The following ERCC6L2 variants were observed in gnomAD, a reference collection of about 807,000 sequenced individuals.
The protein encoded by ERCC6L2 is ERCC excision repair 6 like 2.
Under a neutral mutation model 132.0 loss-of-function variants are expected in ERCC6L2, and 77 were observed. The observed-to-expected ratio is 0.58, with a 90% CI of 0.49 to 0.71. The LOEUF is 0.71. Among genes scored for constraint, ERCC6L2 ranks in the 30% least tolerant of loss-of-function variants. The pLI is 0.00. For missense variants in ERCC6L2, 1,542 were observed against 1,837.6 expected (o/e 0.84, Z 2.94); for synonymous variants, 583 against 632.4 (o/e 0.92, Z 1.17).
At chr9:95,957,551 G>A (rs1455377319) in intron 13 of ERCC6L2, among the ~76,000 whole-genome samples, 1 of 151,936 alleles carries the variant, frequency 6.6e-6, no homozygotes, top group Non-Finnish European at 1.5e-5. Context: ...TCTCAAGTAA[G>A]AGTCTTTCCT....
At chr9:95,959,488 A>C (rs1455448608) in intron 13 of ERCC6L2, among the ~76,000 whole-genome samples, 2 of 151,900 alleles carry the variant, frequency 1.3e-5, no homozygotes, top group African/African-American at 2.4e-5. Flanking sequence ...TTCATGTCTA[A>C]AACACCAAAA....
At chr9:96,021,383 C>G (rs1344199507), downstream of ERCC6L2, 1 of 292,554 alleles carries the variant, frequency 3.4e-6, no homozygotes, top group African/African-American at 2.4e-5. The surrounding 1 kb of genome is among the most constrained non-coding windows in gnomAD (Gnocchi z 4.7). Context: ...AAGCCCAGTC[C>G]CTCCCGGGCA....
chr9:95,894,704 C>T (rs557288898), intron 2 of ERCC6L2, among the ~76,000 whole-genome samples: 3 of 149,354 alleles, frequency 2.0e-5, no homozygotes, highest in South Asian at 2.1e-4. Context: ...AAGTGATTCT[C>T]CTGCCTCAGC....
intron 4 of ERCC6L2, among the ~76,000 whole-genome samples, chr9:95,908,719 G>A (rs1829202453): frequency 6.6e-6 from 1 of 152,074 alleles, no homozygotes; most frequent in Non-Finnish European, 1.5e-5. Flanking sequence ...TTTAGGTGAA[G>A]ATTAAAGCAT....
chr9:95,905,135 T>C (rs1042363161), intron 3 of ERCC6L2: 2 of 152,126 alleles, frequency 1.3e-5, no homozygotes, highest in African/African-American at 4.8e-5. Flanking sequence ...GACTTAGCAG[T>C]TGGACACTGC....
chr9:95,980,075 A>G (rs1219020544), intron 17 of ERCC6L2, among the ~76,000 whole-genome samples: 3 of 152,220 alleles, frequency 2.0e-5, no homozygotes, highest in Non-Finnish European at 4.4e-5. Context: ...TTCTGCAACA[A>G]TTGATCTGAG....
intron 17 of ERCC6L2, among the ~76,000 whole-genome samples, chr9:95,992,715 A>G (rs576852229): frequency 6.6e-6 from 1 of 152,064 alleles, no homozygotes; most frequent in Non-Finnish European, 1.5e-5. Context: ...CCTTCTAATC[A>G]AATCAGCCTA....
rs150932214 is a variant in ERCC6L2, at chr9:96,029,165, G to A, written c.*1504-9711G>A. 7.5e-3 allele frequency among the ~76,000 whole-genome samples: 1,141 copies of A among 151,976 alleles called. 12 individuals carry two copies. Among genetic ancestry groups the A allele is most frequent in the African/African-American group, 0.026 (1,065 of 41,450 alleles). ...TAAAAATACAAAAAATTAGCCGGGCGTGGTGGCACGTGACTGTAATCCCAG... is the reference window on the plus strand; with the variant it reads ...TAAAAATACAAAAAATTAGCCGGGCATGGTGGCACGTGACTGTAATCCCAG... On this transcript the variant is annotated intron_variant and NMD_transcript_variant, in intron 19 of 20. Coordinates refer to the ERCC6L2 transcript ENST00000670016.
chr9:95,958,838 TC>T (rs1831751053), intron 13 of ERCC6L2, among the ~76,000 whole-genome samples: 1 of 152,030 alleles, frequency 6.6e-6, no homozygotes, highest in African/African-American at 2.4e-5. Flanking sequence ...AAGGACCTCT[TC>T]AAGGAGAACT....
intron 11 of ERCC6L2, among the ~76,000 whole-genome samples, chr9:95,930,179 A>G (rs993967402): frequency 2.0e-5 from 3 of 151,898 alleles, no homozygotes; most frequent in Non-Finnish European, 4.4e-5. Flanking sequence ...CTTATCTTCA[A>G]TGGGATTTTT....
chr9:95,972,224 A>C lies in ERCC6L2; in HGVS notation c.2473A>C (p.Thr825Pro), dbSNP rs1250670301. The C allele has an allele frequency of 7.7e-7, 1 of 1,304,160 alleles. No individual in the cohort carries two copies. Among genetic ancestry groups the C allele is most frequent in the Non-Finnish European group, 1.0e-6 (1 of 988,944 alleles). 80.8% of individuals were successfully genotyped at this position (1,304,160 alleles called of 1,614,324 possible). A position where few individuals can be genotyped will look rare whatever the true frequency, so the allele number is the denominator to read the frequency against. ...TGATGAAAGTTCTGATGAGCAGCCCACATGCCTTTCAACAGAAGCCAAAGA... is the reference window on the plus strand; with the variant it reads ...TGATGAAAGTTCTGATGAGCAGCCCCCATGCCTTTCAACAGAAGCCAAAGA... ...SDDESSDEQP[T>P]CLSTEAKDAG... Residue 825 changes from threonine to proline, a missense_variant, in exon 16 of 19, where the codon ACA becomes CCA. This residue lies in a region of ERCC6L2 where 945 missense variants were observed against 1,105.2 expected (regional missense o/e 0.86). Transcript: ENST00000653738.
rs752662912 is a variant in ERCC6L2, at chr9:95,897,968, A to G, written c.591A>G (p.Lys197=). The part of the protein sequence containing the change: ...MKKEPLSSTA[K]KMFLIVAPLS... ...AGGAACCCCTTTCTTCTACAGCAAA[A>G]AAGGTAAAATCTCTAGACAATGTAT... Residue 197 remains lysine (K), a synonymous_variant, in exon 3 of 19, where the codon AAA becomes AAG. Transcript: ENST00000653738. 1.2e-6 allele frequency: 2 copies of G among 1,606,494 alleles called. No individual in the cohort carries two copies. Among genetic ancestry groups the G allele is most frequent in the Admixed American group, 3.4e-5 (2 of 58,034 alleles).
intron 12 of ERCC6L2, among the ~76,000 whole-genome samples, chr9:95,945,193 A>T (rs1419596845): frequency 6.6e-6 from 1 of 152,068 alleles, no homozygotes; most frequent in African/African-American, 2.4e-5. Context: ...ACCCTCAGGG[A>T]TGCATTCTCT....
At chr9:96,020,865 T>C, downstream of ERCC6L2, 3 of 456,716 alleles carry the variant, frequency 6.6e-6, no homozygotes, top group Non-Finnish European at 1.3e-5. Context: ...GTGGGCTGTT[T>C]GGTGCGGAGG....
At chr9:95,905,435 T>G (rs1828984787) in intron 3 of ERCC6L2, among the ~76,000 whole-genome samples, 1 of 152,234 alleles carries the variant, frequency 6.6e-6, no homozygotes, top group African/African-American at 2.4e-5. Flanking sequence ...ACTCTTTAGA[T>G]TCATTGGCAC....
chr9:95,912,979 C>A (rs1193512893), intron 4 of ERCC6L2, among the ~76,000 whole-genome samples: 2 of 152,124 alleles, frequency 1.3e-5, no homozygotes, highest in Admixed American at 1.3e-4. Context: ...CAGGAAGTAC[C>A]TAATGTCAGG....
intron 12 of ERCC6L2, among the ~76,000 whole-genome samples, chr9:95,955,608 A>G (rs1831561019): frequency 6.6e-6 from 1 of 151,514 alleles, no homozygotes; most frequent in South Asian, 2.1e-4. Context: ...ACAATCTGTA[A>G]GCTTAAAGCT....
intron 18 of ERCC6L2, among the ~76,000 whole-genome samples, chr9:96,007,853 T>C (rs554921252): frequency 4.9e-4 from 75 of 152,298 alleles, no homozygotes; most frequent in African/African-American, 1.8e-3. Flanking sequence ...TCCTGCTGGC[T>C]TCTGGGGGCA....
At chr9:95,906,885 G>A (rs1829064987) in intron 3 of ERCC6L2, among the ~76,000 whole-genome samples, 193 bp from the exon 4 acceptor site, 1 of 152,224 alleles carries the variant, frequency 6.6e-6, no homozygotes, top group Non-Finnish European at 1.5e-5. Context: ...CTGATAAAAA[G>A]CTAATTAAAC....
Sources: gnomAD v4.1 joint callset for allele counts (sites outside exome capture counted in the v4.1 genomes callset) on GRCh38, gnomAD v4.1.1 for gene constraint, gnomAD v4.1.1 regional missense constraint, Gnocchi (gnomAD v3.1) non-coding constraint, MANE v1.5 for transcripts, NCBI Gene and HGNC (gene_info 2026-07-23, HGNC 2026-07-21) for gene names.